Variants in SH3D19 observed in about 807,000 individuals in gnomAD.
The protein encoded by SH3D19 is SH3 domain-containing protein 19.
A neutral mutation model predicts 112.1 loss-of-function variants in SH3D19; 58 were observed. That is an observed-to-expected ratio of 0.52 (90% CI 0.42 to 0.64). The LOEUF is 0.64. Among genes scored for constraint, SH3D19 ranks in the 30% least tolerant of loss-of-function variants. SH3D19 has a pLI of 0.00. For missense variants in SH3D19, 1,090 were observed against 1,263.4 expected (o/e 0.86, Z 2.08); for synonymous variants, 391 against 448.5 (o/e 0.87, Z 1.62).
At chr4:151,242,895 T>A (rs1770669169) in intron 1 of SH3D19, among the ~76,000 whole-genome samples, 1 of 151,838 alleles carries the variant, frequency 6.6e-6, no homozygotes, top group African/African-American at 2.4e-5. Context: ...TGTAAGAAAA[T>A]CTCCCAGATA....
intron 3 of SH3D19, among the ~76,000 whole-genome samples, chr4:151,185,497 T>G (rs1761643543): frequency 6.6e-6 from 1 of 152,208 alleles, no homozygotes; most frequent in African/African-American, 2.4e-5. Flanking sequence ...CCTAATTTTG[T>G]ATTTAAATTA....
At chr4:151,130,354 T>C (rs1561195657) in intron 17 of SH3D19, among the ~76,000 whole-genome samples, 1 of 152,106 alleles carries the variant, frequency 6.6e-6, no homozygotes, top group East Asian at 1.9e-4. Flanking sequence ...GTGGATTGCT[T>C]GAGCCTGGGA....
At chr4:151,167,597 C>A (rs2149811050) in intron 7 of SH3D19, among the ~76,000 whole-genome samples, 1 of 152,250 alleles carries the variant, frequency 6.6e-6, no homozygotes, top group Non-Finnish European at 1.5e-5. Context: ...CAGTTTTGTT[C>A]ATTCAATATT....
At chr4:151,223,003 CT>C (rs33925824) in intron 2 of SH3D19, among the ~76,000 whole-genome samples, 231 of 115,480 alleles carry the variant, frequency 2.0e-3, no homozygotes, top group Middle Eastern at 9.5e-3. Context: ...TTCTCCCAGC[CT>C]TTTTTTTTTT....
chr4:151,169,757 C>T (rs901137537), intron 7 of SH3D19, among the ~76,000 whole-genome samples: 12 of 152,174 alleles, frequency 7.9e-5, no homozygotes, highest in Admixed American at 5.9e-4. Context: ...AGTAGTCCCA[C>T]GTTCAGAAAT....
intron 7 of SH3D19, among the ~76,000 whole-genome samples, chr4:151,171,361 C>T (rs561813724): frequency 6.6e-6 from 1 of 152,238 alleles, no homozygotes; most frequent in African/African-American, 2.4e-5. Context: ...TCACAGACTG[C>T]TCTTGCTTCT....
At chr4:151,283,081 G>T (rs540027559) in intron 1 of SH3D19, 2 of 1,604,794 alleles carry the variant, frequency 1.2e-6, no homozygotes, top group Admixed American at 1.7e-5. Context: ...ACTTTTCTAG[G>T]TTGCTTTAAT....
At chr4:151,282,025 G>A in intron 1 of SH3D19, 2 of 945,664 alleles carry the variant, frequency 2.1e-6, no homozygotes, top group East Asian at 2.4e-5. Flanking sequence ...GAAGTTGGAA[G>A]CACCATGGTT....
chr4:151,214,900 C>T (rs1413846478), intron 2 of SH3D19, among the ~76,000 whole-genome samples: 1 of 147,822 alleles, frequency 6.8e-6, no homozygotes, highest in East Asian at 2.0e-4. Flanking sequence ...CGGAGGGGCT[C>T]CTCACTTCTC....
chr4:151,286,184 G>GAAAAAAAAAAAAAAAAAA (rs56850648), intron 1 of SH3D19, among the ~76,000 whole-genome samples: 3 of 86,624 alleles, frequency 3.5e-5, no homozygotes, highest in Non-Finnish European at 6.1e-5. Context: ...CTGTCTTAAA[G>GAAAAAAAAAAAAAAAAAA]AAAAAAAAAA....
intron 2 of SH3D19, among the ~76,000 whole-genome samples, chr4:151,211,516 G>A (rs566281486): frequency 6.7e-6 from 1 of 150,316 alleles, no homozygotes; most frequent in Non-Finnish European, 1.5e-5. Context: ...AAGGCAGGTC[G>A]AAAGCTGAGA....
At chr4:151,292,129 C>A (rs1775383959) in intron 1 of SH3D19, among the ~76,000 whole-genome samples, 1 of 152,108 alleles carries the variant, frequency 6.6e-6, no homozygotes, top group African/African-American at 2.4e-5. Context: ...CAGCCCCTGT[C>A]TCTACAAAAG....
intron 2 of SH3D19, among the ~76,000 whole-genome samples, chr4:151,209,745 G>A (rs1424324799): frequency 6.6e-6 from 1 of 152,102 alleles, no homozygotes; most frequent in Non-Finnish European, 1.5e-5. Flanking sequence ...GTTATGCACT[G>A]GTGTCTATGC....
At chr4:151,221,730 A>T (rs1455075980) in intron 2 of SH3D19, among the ~76,000 whole-genome samples, 1 of 152,230 alleles carries the variant, frequency 6.6e-6, no homozygotes, top group Non-Finnish European at 1.5e-5. Flanking sequence ...CCAATAGCAC[A>T]GTCCTAAAGA....
chr4:151,295,929 A>G (rs1029014633), intron 1 of SH3D19, among the ~76,000 whole-genome samples: 3 of 151,840 alleles, frequency 2.0e-5, no homozygotes, highest in African/African-American at 7.3e-5. Flanking sequence ...CCAGCTACTC[A>G]GGAGGCTGAG....
chr4:151,198,629 T>C (rs1181922317), intron 2 of SH3D19, among the ~76,000 whole-genome samples: 2 of 151,616 alleles, frequency 1.3e-5, no homozygotes, highest in African/African-American at 4.8e-5. Flanking sequence ...TATCTAGTGA[T>C]GTCTAAGCCA....
chr4:151,156,579 C>T (rs1756142694), intron 9 of SH3D19, among the ~76,000 whole-genome samples: 1 of 152,130 alleles, frequency 6.6e-6, no homozygotes, highest in South Asian at 2.1e-4. Context: ...GGGGAAAGCA[C>T]AGTCTCTTCA....
intron 6 of SH3D19, 128 bp downstream of exon 6, chr4:151,176,406 T>A: frequency 1.6e-6 from 1 of 640,970 alleles, no homozygotes; most frequent in Non-Finnish European, 2.2e-6. Context: ...CACACAGTGA[T>A]CACACTGACT....
At chr4:151,136,008 A>AAACAC (rs1430561775) in intron 14 of SH3D19, among the ~76,000 whole-genome samples, 3 of 152,122 alleles carry the variant, frequency 2.0e-5, no homozygotes, top group Non-Finnish European at 2.9e-5. Context: ...AAACAAAACA[A>AAACAC]AACAAAACAA....
Sources: allele counts gnomAD v4.1 joint callset (sites outside exome capture counted in the v4.1 genomes callset), GRCh38; gene constraint gnomAD v4.1.1; transcripts MANE v1.5; gene names NCBI Gene and HGNC (gene_info 2026-07-23, HGNC 2026-07-21).